Variants in PPIL1 observed in about 807,000 individuals in gnomAD.
PPIL1 encodes the protein peptidylprolyl isomerase like 1.
Under a neutral mutation model 19.4 loss-of-function variants are expected in PPIL1, and 14 were observed. The ratio of observed to expected loss-of-function variants is 0.72; its 90% CI spans 0.48 to 1.13. The LOEUF (loss-of-function observed/expected upper bound fraction) is 1.13. Ranked by LOEUF, PPIL1 falls within the 50% of genes most tolerant of loss-of-function variation. The pLI, the probability that PPIL1 is intolerant of heterozygous loss-of-function variation, is 0.00. For missense variants in PPIL1, 192 were observed against 218.0 expected (o/e 0.88, Z 0.75); for synonymous variants, 72 against 73.6 (o/e 0.98, Z 0.11).
At chr6:36,859,848 G>C (rs982413347) in intron 2 of PPIL1, among the ~76,000 whole-genome samples, 1 of 111,790 alleles carries the variant, frequency 8.9e-6, no homozygotes, top group African/African-American at 3.7e-5. Flanking sequence ...TGTGTGTTTT[G>C]AGACAGAATC....
chr6:36,859,209 G>T (rs1001997113), intron 2 of PPIL1, among the ~76,000 whole-genome samples: 2 of 152,092 alleles, frequency 1.3e-5, no homozygotes, highest in African/African-American at 4.8e-5. Context: ...GGCAGATCAT[G>T]AGGTCAGGAG....
rs1473932275 is a variant in PPIL1 at position 36,855,522 on chromosome 6, C to T, written c.*291G>A. 2.0e-5 allele frequency: 8 copies of T among 397,794 alleles called. No individual in the cohort carries two copies. In the East Asian group the frequency reaches 3.7e-4, roughly 18 times the overall value. 24.6% of individuals were successfully genotyped at this position (397,794 alleles called of 1,614,324 possible). On this transcript the variant is annotated 3_prime_UTR_variant, in exon 4 of 4. Transcript: ENST00000373699. ...GGCTGCTACATTGTTCGACGTATAT[C>T]AGAGCAGACATGCACAAGAAGCAGC...
At chr6:36,867,030 C>T (rs553035597) in intron 2 of PPIL1, among the ~76,000 whole-genome samples, 1 of 152,212 alleles carries the variant, frequency 6.6e-6, no homozygotes, top group Non-Finnish European at 1.5e-5. Flanking sequence ...AGCATTTCCA[C>T]TTAGCACCTT....
intron 1 of PPIL1, 157 bp from the exon 2 acceptor site, chr6:36,872,029 G>T: frequency 1.6e-6 from 1 of 631,214 alleles, no homozygotes; most frequent in Non-Finnish European, 2.5e-6. Flanking sequence ...ACACCACAAT[G>T]CAAGTAACAT....
At chr6:36,872,501 T>C (rs1774533605) in intron 1 of PPIL1, among the ~76,000 whole-genome samples, 1 of 151,984 alleles carries the variant, frequency 6.6e-6, no homozygotes, top group Non-Finnish European at 1.5e-5. Flanking sequence ...ATAGGATGAG[T>C]GCTTTTTCCT....
intron 2 of PPIL1, among the ~76,000 whole-genome samples, chr6:36,858,813 T>TGACTCAATCCTCC (rs1233323738): frequency 1.3e-5 from 2 of 152,286 alleles, no homozygotes; most frequent in East Asian, 1.9e-4. Context: ...ATGTTCCCTC[T>TGACTCAATCCTCC]GACTCAATCC....
At position 36,865,713 on chromosome 6, in the gene PPIL1, C is replaced by T. The variant is rs367557686; in HGVS notation, c.211+6005G>A. Among the ~76,000 whole-genome samples, 6 of 152,264 alleles carry T rather than the reference C, an allele frequency of 3.9e-5. No individual in the cohort carries two copies. In the East Asian group the frequency reaches 5.8e-4, roughly 15 times the overall value. On this transcript the variant is annotated intron_variant, in intron 2 of 3. Transcript: ENST00000373699. ...CCTATATTATATACATAATCCACAC[C>T]GTACTATCATACATTTGCATATTTA...
In PPIL1 at chr6:36,855,137, C is replaced by A. The variant is rs1475312779; in HGVS notation, c.*676G>T. 1 of 152,736 alleles carries A rather than the reference C, an allele frequency of 6.5e-6. No homozygotes were observed. The highest frequency in any genetic ancestry group is 1.5e-5 in the Non-Finnish European group (1 of 68,158). The allele number at this position is 152,736 out of a possible 1,614,324, so 9.5% of individuals were successfully genotyped here. On this transcript the variant is annotated 3_prime_UTR_variant, in exon 4 of 4. Coordinates refer to ENST00000373699, the MANE Select transcript of PPIL1 (RefSeq NM_016059.5). ...CTGCTTCCTTTTAATAAACTAATTT[C>A]TTGATTATTATACATTATTATTATT...
At chr6:36,860,763 T>TA (rs10585822) in intron 2 of PPIL1, among the ~76,000 whole-genome samples, 8,237 of 122,120 alleles carry the variant, frequency 0.067, 804 homozygotes, top group African/African-American at 0.21. Context: ...TATGTATCCC[T>TA]AAAAAAAAAA....
Position 36,856,642 on chromosome 6 carries a change from GCAC to G in PPIL1, c.221_223del (p.Gly74del). ...TTCAAACTGTTTGCCATAGATAGAT[GCAC>G]CACCTCGACCTGCCCGATTGGAAGA... On this transcript the variant is annotated inframe_deletion, in exon 3 of 4. Transcript: ENST00000373699. The G allele has an allele frequency of 6.2e-7, 1 of 1,613,992 alleles. No homozygotes were observed. The highest frequency in any genetic ancestry group is 8.5e-7 in the Non-Finnish European group (1 of 1,179,904).
chr6:36,857,252 A>C (rs934146902), intron 2 of PPIL1, among the ~76,000 whole-genome samples: 2 of 152,224 alleles, frequency 1.3e-5, no homozygotes, highest in African/African-American at 4.8e-5. Context: ...AAATTCATTT[A>C]AGTTAAAGCT....
intron 1 of PPIL1, among the ~76,000 whole-genome samples, chr6:36,873,292 T>G (rs907760315): frequency 6.6e-6 from 1 of 152,216 alleles, no homozygotes; most frequent in Admixed American, 6.5e-5. Context: ...ATCTCAGTAT[T>G]TGTCATAGCC....
At chr6:36,862,665 G>GA (rs1774314477) in intron 2 of PPIL1, among the ~76,000 whole-genome samples, 1 of 152,192 alleles carries the variant, frequency 6.6e-6, no homozygotes, top group Non-Finnish European at 1.5e-5. Flanking sequence ...ATGAAGTGGG[G>GA]AAAGATATGG....
intron 2 of PPIL1, 110 bp downstream of exon 2, chr6:36,871,608 C>T (rs982937161): frequency 3.7e-6 from 5 of 1,342,884 alleles, no homozygotes; most frequent in South Asian, 1.4e-5. Flanking sequence ...CTCTGGCTGC[C>T]TTATCACCTA....
intron 1 of PPIL1, among the ~76,000 whole-genome samples, chr6:36,873,792 G>A (rs1327439344): frequency 1.3e-5 from 2 of 152,210 alleles, no homozygotes; most frequent in African/African-American, 4.8e-5. Context: ...CAGAAAGGCA[G>A]AGGACCTTGG....
At chr6:36,861,023 C>T (rs1454566621) in intron 2 of PPIL1, among the ~76,000 whole-genome samples, 1 of 151,904 alleles carries the variant, frequency 6.6e-6, no homozygotes, top group Non-Finnish European at 1.5e-5. Context: ...GAGGATCTTT[C>T]CAATGTTTTG....
intron 1 of PPIL1, 84 bp downstream of exon 1, chr6:36,874,633 A>G: frequency 1.3e-6 from 2 of 1,545,352 alleles, no homozygotes; most frequent in Non-Finnish European, 8.9e-7. Context: ...GGCCTCCCGG[A>G]GGAACGCGCC....
At chr6:36,869,216 T>C (rs1189225165) in intron 2 of PPIL1, among the ~76,000 whole-genome samples, 1 of 152,176 alleles carries the variant, frequency 6.6e-6, no homozygotes, top group African/African-American at 2.4e-5. Flanking sequence ...ACTCCTGAAC[T>C]CAAGTGACCC....
intron 2 of PPIL1, among the ~76,000 whole-genome samples, chr6:36,870,099 T>TAAA (rs11428614): frequency 1.5e-5 from 2 of 132,646 alleles, no homozygotes; most frequent in Non-Finnish European, 1.6e-5. Flanking sequence ...CCATATACAT[T>TAAA]AAAAAAAAAA....
Sources: allele counts gnomAD v4.1 joint callset (sites outside exome capture counted in the v4.1 genomes callset), GRCh38; gene constraint gnomAD v4.1.1; transcripts MANE v1.5; gene names NCBI Gene and HGNC (gene_info 2026-07-23, HGNC 2026-07-21).